The following FLI1 variants were observed in gnomAD, a reference collection of about 807,000 sequenced individuals.
FLI1 encodes Fli-1 proto-oncogene, ETS transcription factor.
FLI1 carries 13 observed loss-of-function variants against 53.1 expected under a neutral mutation model. The observed-to-expected ratio is 0.24, with a 90% CI of 0.16 to 0.39. The LOEUF is 0.39. Among genes scored for constraint, FLI1 ranks in the 10% least tolerant of loss-of-function variants. FLI1 has a pLI of 1.00. For synonymous variants in FLI1, 244 were observed against 236.7 expected (o/e 1.03, Z -0.28); for missense variants, 424 against 600.5 (o/e 0.71, Z 3.07).
intron 1 of FLI1, among the ~76,000 whole-genome samples, chr11:128,753,587 A>C (rs1371486262): frequency 6.6e-6 from 1 of 152,242 alleles, no homozygotes; most frequent in African/African-American, 2.4e-5. Context: ...ATTTCTGTAA[A>C]GAGCTTGAAG....
Position 128,720,106 on chromosome 11 carries a change from C to T in FLI1, c.18+25830C>T, listed in dbSNP as rs375721177. The stretch of plus-strand genomic sequence containing the variant: ...ATTCATATTTTGGTGCCCTTCCTTC[C>T]GGTCTTTATAATGCAAATATATAGA... On this transcript the variant is annotated intron_variant, in intron 1 of 8. Transcript: ENST00000527786. Among the ~76,000 whole-genome samples, 5 of 152,246 alleles carry T rather than the reference C, an allele frequency of 3.3e-5. 1 individual carries two copies. The South Asian group carries it at 8.3e-4, about 25-fold the overall frequency.
chr11:128,768,047 T>C (rs1941410647), intron 2 of FLI1, 71 bp from the exon 3 acceptor site: 1 of 1,414,268 alleles, frequency 7.1e-7, no homozygotes, highest in East Asian at 2.5e-5. Flanking sequence ...CCTGGGCTCA[T>C]GATTCAGAGG....
rs1942866951 is a variant in FLI1 at position 128,809,143 on chromosome 11, T to A, written c.782-14T>A. The A allele has an allele frequency of 1.2e-6, 2 of 1,612,940 alleles. No individual in the cohort carries two copies. The highest frequency in any genetic ancestry group is 1.7e-6 in the Non-Finnish European group (2 of 1,179,082). ...TAAAAACACTGAAGCAAATTTCCTT[T>A]TTTATTTCCTTAGATCCGTATCAGA... On this transcript the variant is annotated splice_polypyrimidine_tract_variant and intron_variant, in intron 7 of 8. Coordinates refer to ENST00000527786, the MANE Select transcript of FLI1 (RefSeq NM_002017.5).
At chr11:128,737,266 T>C (rs1939950396) in intron 1 of FLI1, among the ~76,000 whole-genome samples, 1 of 152,094 alleles carries the variant, frequency 6.6e-6, no homozygotes, top group Non-Finnish European at 1.5e-5. Flanking sequence ...CCTGACCACC[T>C]CACCACACTA....
chr11:128,807,520 C>T (rs1392719610), intron 7 of FLI1, among the ~76,000 whole-genome samples: 1 of 152,138 alleles, frequency 6.6e-6, no homozygotes, highest in Non-Finnish European at 1.5e-5. Context: ...GGTGAAGTGA[C>T]TTGCTAAAAA....
At chr11:128,783,323 AGC>A (rs1397959698) in intron 5 of FLI1, among the ~76,000 whole-genome samples, 1 of 152,272 alleles carries the variant, frequency 6.6e-6, no homozygotes. Flanking sequence ...TTGATCACAC[AGC>A]ACTTTGTGTT....
intron 1 of FLI1, among the ~76,000 whole-genome samples, chr11:128,738,515 G>T (rs1345024269): frequency 1.3e-5 from 2 of 152,216 alleles, no homozygotes; most frequent in Non-Finnish European, 2.9e-5. Flanking sequence ...TCTTCTAGCT[G>T]CTGAGCCTCT....
chr11:128,749,546 C>T (rs685312), intron 1 of FLI1, among the ~76,000 whole-genome samples: 105,624 of 152,104 alleles, frequency 0.69, 36,697 homozygotes, highest in Admixed American at 0.75. Context: ...CCTTTATCAC[C>T]TTGTCCCGGA....
chr11:128,728,673 G>T (rs749637154), intron 1 of FLI1, among the ~76,000 whole-genome samples: 6 of 152,210 alleles, frequency 3.9e-5, no homozygotes, highest in Non-Finnish European at 7.3e-5. Context: ...GCAGAGTCAA[G>T]GCAAACGTTC....
chr11:128,779,255 G>A (rs542781570), intron 4 of FLI1, among the ~76,000 whole-genome samples: 2 of 152,130 alleles, frequency 1.3e-5, no homozygotes, highest in African/African-American at 2.4e-5. Context: ...TTTGCTCCTC[G>A]GAGACCATCA....
At chr11:128,753,651 AGAG>A (rs1940740799) in intron 1 of FLI1, among the ~76,000 whole-genome samples, 1 of 152,382 alleles carries the variant, frequency 6.6e-6, no homozygotes, top group South Asian at 2.1e-4. Context: ...GTTTAAGTAA[AGAG>A]CTTTATAAGA....
chr11:128,723,494 A>C (rs1381595869), intron 1 of FLI1, among the ~76,000 whole-genome samples: 1 of 152,144 alleles, frequency 6.6e-6, no homozygotes, highest in Non-Finnish European at 1.5e-5. Context: ...AAGGATGGAG[A>C]CATTCCAGAA....
At chr11:128,686,392 A>G (rs1371732909), upstream of FLI1, 1 of 456,242 alleles carries the variant, frequency 2.2e-6, no homozygotes, top group Non-Finnish European at 4.4e-6. Context: ...GAGGAGACCC[A>G]ATGGTGTGAG....
rs560931111 is a variant in FLI1 at position 128,791,925 on chromosome 11, G to A, written c.655+9902G>A. On this transcript the variant is annotated intron_variant, in intron 5 of 8. Coordinates refer to ENST00000527786, the MANE Select transcript of FLI1 (RefSeq NM_002017.5). Reference sequence around the variant, plus strand: ...CCCATCAGGAGGAGGCTGAGGACACGCCAAGCCGAGGAAAGGTGACGCTGC... The same window carrying A: ...CCCATCAGGAGGAGGCTGAGGACACACCAAGCCGAGGAAAGGTGACGCTGC... 3.9e-5 allele frequency among the ~76,000 whole-genome samples: 6 copies of A among 152,310 alleles called. No individual in the cohort carries two copies. In the South Asian group the frequency reaches 1.0e-3, roughly 26 times the overall value.
chr11:128,790,069 C>CGTGTGT (rs765614434), intron 5 of FLI1, among the ~76,000 whole-genome samples: 48 of 143,318 alleles, frequency 3.3e-4, no homozygotes, highest in Non-Finnish European at 6.2e-4. Context: ...TGCATGCATG[C>CGTGTGT]GTGTGTGTGT....
Position 128,767,812 on chromosome 11 carries a change from GT to G in FLI1, c.231-305del, listed in dbSNP as rs145641707. On this transcript the variant is annotated intron_variant, in intron 2 of 8. Transcript: ENST00000527786. The stretch of plus-strand genomic sequence containing the variant: ...GTTGCCTGGCAGTGAGGCTAAAAAT[GT>G]AAGCTGCAGTCAGACAGGGAGGGCT... Among the ~76,000 whole-genome samples, 9,481 of 152,212 alleles carry G rather than the reference GT, an allele frequency of 0.062. 946 individuals are homozygous for G. The highest frequency in any genetic ancestry group is 0.21 in the African/African-American group (8,850 of 41,482).
At chr11:128,736,764 G>A (rs1939932191) in intron 1 of FLI1, among the ~76,000 whole-genome samples, 1 of 152,170 alleles carries the variant, frequency 6.6e-6, no homozygotes, top group African/African-American at 2.4e-5. Flanking sequence ...TTCTGCTATA[G>A]TAGTATTTGC....
chr11:128,743,163 G>A (rs1035096958), intron 1 of FLI1, among the ~76,000 whole-genome samples: 8 of 152,120 alleles, frequency 5.3e-5, no homozygotes, highest in African/African-American at 1.7e-4. Context: ...CAAGGCAAGA[G>A]GACCACCTGA....
At chr11:128,730,428 A>G (rs926184645) in intron 1 of FLI1, among the ~76,000 whole-genome samples, 3 of 152,192 alleles carry the variant, frequency 2.0e-5, no homozygotes, top group African/African-American at 7.2e-5. Context: ...TAAGGAGCAA[A>G]TCGGTGCTAC....
Sources: gnomAD v4.1 joint callset for allele counts (sites outside exome capture counted in the v4.1 genomes callset) on GRCh38, gnomAD v4.1.1 for gene constraint, MANE v1.5 for transcripts, NCBI Gene and HGNC (gene_info 2026-07-23, HGNC 2026-07-21) for gene names.